IL1RAPL1: variants seen among roughly 807,000 people sequenced by gnomAD.
IL1RAPL1 encodes interleukin-1 receptor accessory protein-like 1.
IL1RAPL1 carries 3 observed loss-of-function variants against 48.4 expected under a neutral mutation model. The ratio of observed to expected loss-of-function variants is 0.06; its 90% confidence interval spans 0.03 to 0.16. The LOEUF (loss-of-function observed/expected upper bound fraction) is 0.16. IL1RAPL1 is among the 10% of genes least tolerant of loss of function. IL1RAPL1 has a pLI of 1.00. For missense variants in IL1RAPL1, 349 were observed against 530.6 expected (o/e 0.66, Z 3.36); for synonymous variants, 185 against 187.7 (o/e 0.99, Z 0.12).
chrX:28,982,117 G>A (rs886992607), intron 2 of IL1RAPL1, among the ~76,000 whole-genome samples: 44 of 112,087 alleles, frequency 3.9e-4, no homozygotes, highest in Non-Finnish European at 5.3e-4. Context: ...AAAATATGAT[G>A]AGAGAGCAAG....
At chrX:29,429,894 G>GGTGTGTGTGT (rs1556011349) in intron 5 of IL1RAPL1, among the ~76,000 whole-genome samples, 7 of 85,099 alleles carry the variant, frequency 8.2e-5, no homozygotes, top group Admixed American at 1.3e-4. Context: ...GTGTGTGTGT[G>GGTGTGTGTGT]GTGTGTGTGT....
chrX:29,284,749 A>C, intron 3 of IL1RAPL1, among the ~76,000 whole-genome samples: 1 of 111,997 alleles, frequency 8.9e-6, no homozygotes, highest in East Asian at 2.8e-4. Context: ...TGTCTCAAAA[A>C]TAAATAAATA....
chrX:29,652,742 C>T (rs1925557471), intron 5 of IL1RAPL1, among the ~76,000 whole-genome samples: 1 of 111,670 alleles, frequency 9.0e-6, no homozygotes, highest in African/African-American at 3.2e-5. Flanking sequence ...TGCAGTTAAC[C>T]ACAGATACAT....
At chrX:29,306,358 A>T (rs771749242) in intron 3 of IL1RAPL1, among the ~76,000 whole-genome samples, 12 of 107,969 alleles carry the variant, frequency 1.1e-4, no homozygotes, top group African/African-American at 3.0e-4. Flanking sequence ...GTGAAACCCC[A>T]TCTCTACTAA....
At chrX:28,803,608 A>T (rs932514521) in intron 2 of IL1RAPL1, among the ~76,000 whole-genome samples, 3 of 112,057 alleles carry the variant, frequency 2.7e-5, no homozygotes, top group African/African-American at 9.7e-5. Flanking sequence ...CCACACACGA[A>T]AATATTAGCA....
chrX:29,277,344 G>A (rs913181691), intron 2 of IL1RAPL1, among the ~76,000 whole-genome samples: 2 of 111,915 alleles, frequency 1.8e-5, no homozygotes, highest in African/African-American at 6.5e-5. Context: ...AGTAAAAAAA[G>A]AAGATTCAAA....
intron 1 of IL1RAPL1, among the ~76,000 whole-genome samples, chrX:28,700,427 C>G (rs1935281822): frequency 9.0e-6 from 1 of 110,937 alleles, no homozygotes; most frequent in South Asian, 3.8e-4. Context: ...CTATCATTAT[C>G]TTTATTTTAT....
rs1258325630 is a variant in IL1RAPL1, at chrX:29,273,429, T to C, written c.83-9509T>C. On this transcript the variant is annotated intron_variant, in intron 2 of 10. Coordinates refer to ENST00000378993, the MANE Select transcript of IL1RAPL1 (RefSeq NM_014271.4). Reference sequence around the variant, plus strand: ...CTCAACACAGCACTCCTGGACTGTGTGTTCTAACTCTGAGGGACTTTTACC... The same window carrying C: ...CTCAACACAGCACTCCTGGACTGTGCGTTCTAACTCTGAGGGACTTTTACC... Among the ~76,000 whole-genome samples the C allele has an allele frequency of 3.6e-5, 4 of 111,679 alleles. No individual in the cohort carries two copies. The Admixed American group carries it at 3.8e-4, about 11-fold the overall frequency.
At chrX:29,476,306 CG>C (rs1455633845) in intron 5 of IL1RAPL1, among the ~76,000 whole-genome samples, 1 of 111,742 alleles carries the variant, frequency 8.9e-6, no homozygotes, top group Non-Finnish European at 1.9e-5. Flanking sequence ...AACAATATGT[CG>C]GTTAGAAATT....
chrX:28,916,410 C>T lies in IL1RAPL1; in HGVS notation c.82+126985C>T, dbSNP rs182326572. Among the ~76,000 whole-genome samples, 4 of 111,948 alleles carry T rather than the reference C, an allele frequency of 3.6e-5. No individual in the cohort carries two copies. In the Admixed American group the frequency reaches 3.8e-4, roughly 11 times the overall value. ...AGCTCAGAATCAACCAGGGTCACAT[C>T]TTCATTTGGGTTTAACATATTCAAG... On this transcript the variant is annotated intron_variant, in intron 2 of 10. Coordinates refer to ENST00000378993, the MANE Select transcript of IL1RAPL1 (RefSeq NM_014271.4).
intron 1 of IL1RAPL1, among the ~76,000 whole-genome samples, chrX:28,624,150 T>C (rs989533801): frequency 1.8e-5 from 2 of 112,094 alleles, no homozygotes; most frequent in African/African-American, 6.5e-5. Flanking sequence ...TTTTAGTTAA[T>C]TGTGAATGTT....
chrX:29,081,004 C>T (rs1361262795), intron 2 of IL1RAPL1, among the ~76,000 whole-genome samples: 61 of 72,118 alleles, frequency 8.5e-4, no homozygotes, highest in East Asian at 1.5e-3. Context: ...TTCTCTCTCT[C>T]TCTCTCTCTC....
chrX:29,641,991 G>A (rs1463959810), intron 5 of IL1RAPL1, among the ~76,000 whole-genome samples: 1 of 112,399 alleles, frequency 8.9e-6, no homozygotes, highest in Non-Finnish European at 1.9e-5. Context: ...CATAGTGACA[G>A]TGTCTGGGTA....
At chrX:29,184,700 C>A (rs893971495) in intron 2 of IL1RAPL1, among the ~76,000 whole-genome samples, 15 of 110,567 alleles carry the variant, frequency 1.4e-4, no homozygotes, top group African/African-American at 4.9e-4. Flanking sequence ...GGGGTTTCAC[C>A]ATGTTGGCCA....
At chrX:29,948,428 C>T (rs965581172) in intron 9 of IL1RAPL1, among the ~76,000 whole-genome samples, 4 of 111,282 alleles carry the variant, frequency 3.6e-5, no homozygotes, top group Non-Finnish European at 5.7e-5. Context: ...TTTATTAAGA[C>T]AATGACATTC....
intron 6 of IL1RAPL1, among the ~76,000 whole-genome samples, chrX:29,780,290 C>G (rs762548816): frequency 8.9e-6 from 1 of 112,134 alleles, no homozygotes; most frequent in Non-Finnish European, 1.9e-5. Flanking sequence ...TTGAAATTAT[C>G]TAATCTGCAT....
intron 5 of IL1RAPL1, among the ~76,000 whole-genome samples, chrX:29,599,377 T>A (rs1286452738): frequency 2.7e-5 from 3 of 112,399 alleles, no homozygotes; most frequent in African/African-American, 9.7e-5. Context: ...GGGTTTCTGC[T>A]AAGAAATCTG....
intron 6 of IL1RAPL1, among the ~76,000 whole-genome samples, chrX:29,724,308 G>A (rs1328746921): frequency 9.0e-6 from 1 of 111,330 alleles, no homozygotes; most frequent in Admixed American, 9.6e-5. Context: ...GGAAATCTCT[G>A]TAGCTATACA....
chrX:28,794,313 C>T (rs1936586292), intron 2 of IL1RAPL1, among the ~76,000 whole-genome samples: 1 of 111,109 alleles, frequency 9.0e-6, no homozygotes, highest in African/African-American at 3.3e-5. Flanking sequence ...TATTGGAATT[C>T]TACTACGTTT....
Sources: gnomAD v4.1 joint callset for allele counts (sites outside exome capture counted in the v4.1 genomes callset) on GRCh38, gnomAD v4.1.1 for gene constraint, MANE v1.5 for transcripts, NCBI Gene and HGNC (gene_info 2026-07-23, HGNC 2026-07-21) for gene names.